Variants in SYNE1 observed in about 807,000 individuals in gnomAD.
SYNE1 encodes spectrin repeat containing nuclear envelope protein 1, also known as nesprin-1.
In SYNE1, 616 loss-of-function variants were observed where a neutral mutation model predicts 1,111.0. That is an observed-to-expected ratio of 0.55 (90% confidence interval 0.52 to 0.59). The LOEUF (loss-of-function observed/expected upper bound fraction) is 0.59, where lower values mean the gene tolerates loss of function less well. SYNE1 is among the 20% of genes least tolerant of loss of function. The probability of loss-of-function intolerance (pLI) is 0.00; values close to 1 mark genes in which losing one functional copy is unlikely to be tolerated. For missense variants in SYNE1, 10,006 were observed against 10,417.0 expected (o/e 0.96, Z 1.72); for synonymous variants, 3,855 against 3,825.8 (o/e 1.01, Z -0.28).
rs953333722 is a variant in SYNE1 at position 152,637,340 on chromosome 6, G to A, written c.-543C>T. 1.3e-5 allele frequency: 2 copies of A among 152,350 alleles called. No homozygotes were observed. Among genetic ancestry groups the A allele is most frequent in the African/African-American group, 4.8e-5 (2 of 41,458 alleles). 9.4% of individuals were successfully genotyped at this position (152,350 alleles called of 1,614,324 possible). A position where few individuals can be genotyped will look rare whatever the true frequency, so the allele number is the denominator to read the frequency against. ...AGAGCCGGGACGCGCTGCCTCCGCT[G>A]CCTGGAGGAGCTGCGCTGTCCTGCC... On this transcript the variant is annotated 5_prime_UTR_variant, in exon 1 of 146. Coordinates refer to ENST00000367255, the MANE Select transcript of SYNE1 (RefSeq NM_182961.4).
chr6:152,594,486 C>T (rs112594130), intron 3 of SYNE1, among the ~76,000 whole-genome samples: 2,959 of 152,184 alleles, frequency 0.019, 99 homozygotes, highest in African/African-American at 0.067. Flanking sequence ...GATTATATTA[C>T]CTTTAGGAGG....
In SYNE1 at chr6:152,540,039, T is replaced by A. The variant is rs2099261932; in HGVS notation, c.68-18A>T. The A allele has an allele frequency of 1.2e-6, 2 of 1,610,988 alleles. No individual in the cohort carries two copies. The highest frequency in any genetic ancestry group is 1.1e-5 in the South Asian group (1 of 91,024). On this transcript the variant is annotated intron_variant, in intron 3 of 145. Coordinates refer to ENST00000367255, the MANE Select transcript of SYNE1 (RefSeq NM_182961.4). ...TTGCTCATCTAGAAGGAAAAAGAAA[T>A]CTGGTTAAATAATGTAATATTTCAT...
At chr6:152,598,992 A>G (rs2099589590) in intron 3 of SYNE1, among the ~76,000 whole-genome samples, 1 of 152,188 alleles carries the variant, frequency 6.6e-6, no homozygotes, top group Admixed American at 6.5e-5. Flanking sequence ...GCCTCTTCTG[A>G]GTCTTATACT....
intron 129 of SYNE1, 85 bp downstream of exon 129, chr6:152,180,051 G>T (rs2067555854): frequency 4.9e-6 from 7 of 1,414,318 alleles, no homozygotes; most frequent in Non-Finnish European, 7.0e-6. Flanking sequence ...GAAAGTAATT[G>T]TGAGTAAAGC....
chr6:152,401,345 A>G lies in SYNE1; in HGVS notation c.6826-4T>C, dbSNP rs780170157. On this transcript the variant is annotated splice_polypyrimidine_tract_variant and splice_region_variant and intron_variant, in intron 46 of 145. Transcript: ENST00000367255. ...GCATTAAGTCTGCTTCTATAAACTA[A>G]ATATCAAGCAAGATTTCATCAATAT... The G allele has an allele frequency of 5.0e-6, 8 of 1,612,586 alleles. No individual in the cohort carries two copies. Among genetic ancestry groups the G allele is most frequent in the Non-Finnish European group, 6.8e-6 (8 of 1,179,664 alleles).
rs1225166659 is a variant in SYNE1 at position 152,596,296 on chromosome 6, C to A, written c.67+31969G>T. Among the ~76,000 whole-genome samples, 22 of 136,392 alleles carry A rather than the reference C, an allele frequency of 1.6e-4. No homozygotes were observed. In the Admixed American group the frequency reaches 1.7e-3, roughly 10 times the overall value. 89.5% of individuals were successfully genotyped at this position (136,392 alleles called of 152,430 possible). On this transcript the variant is annotated intron_variant, in intron 3 of 145. Coordinates refer to ENST00000367255, the MANE Select transcript of SYNE1 (RefSeq NM_182961.4). ...TTTTTTTTTTTTTTTGAGATGACGT[C>A]TCACTGTGTTGCCCAGGCGATCTCA...
chr6:152,431,465 A>G (rs2098427168), intron 34 of SYNE1, among the ~76,000 whole-genome samples: 1 of 152,246 alleles, frequency 6.6e-6, no homozygotes, highest in Admixed American at 6.5e-5. Flanking sequence ...GTTAACCAAC[A>G]TCTGAAAAAT....
chr6:152,132,644 T>A (rs2056078783), intron 143 of SYNE1, among the ~76,000 whole-genome samples: 1 of 152,182 alleles, frequency 6.6e-6, no homozygotes, highest in African/African-American at 2.4e-5. Context: ...ATTAGAGGAC[T>A]TTACTATTTC....
intron 127 of SYNE1, among the ~76,000 whole-genome samples, chr6:152,193,400 C>A (rs1419394237): frequency 6.6e-6 from 1 of 152,178 alleles, no homozygotes; most frequent in Non-Finnish European, 1.5e-5. Flanking sequence ...TCACTGCAAT[C>A]TTTGCCTCCC....
intron 83 of SYNE1, 147 bp downstream of exon 83, chr6:152,321,574 T>G (rs2095869429): frequency 2.4e-6 from 3 of 1,242,038 alleles, no homozygotes; most frequent in African/African-American, 1.5e-5. Flanking sequence ...GAAAATCCCA[T>G]GAAGTAATAC....
At chr6:152,616,042 G>C (rs2099645165) in intron 3 of SYNE1, among the ~76,000 whole-genome samples, 1 of 152,140 alleles carries the variant, frequency 6.6e-6, no homozygotes, top group African/African-American at 2.4e-5. Context: ...TTCTCATCAT[G>C]ATTATTCAGT....
intron 39 of SYNE1, among the ~76,000 whole-genome samples, chr6:152,422,246 A>G (rs1417984042): frequency 6.6e-6 from 1 of 152,194 alleles, no homozygotes; most frequent in African/African-American, 2.4e-5. Flanking sequence ...TCTAGATATT[A>G]AACTTTGTTT....
chr6:152,239,044 C>G (rs1449630176), intron 108 of SYNE1, among the ~76,000 whole-genome samples: 1 of 151,816 alleles, frequency 6.6e-6, no homozygotes, highest in East Asian at 1.9e-4. Flanking sequence ...ATTACAGGCA[C>G]CCACGACGAC....
intron 3 of SYNE1, among the ~76,000 whole-genome samples, chr6:152,552,325 C>A (rs1055759937): frequency 6.6e-6 from 1 of 152,052 alleles, no homozygotes; most frequent in East Asian, 1.9e-4. Flanking sequence ...TACAATTTTA[C>A]ATTTTCACAT....
intron 78 of SYNE1, among the ~76,000 whole-genome samples, chr6:152,327,792 A>G (rs6557213): frequency 0.48 from 72,961 of 152,000 alleles, 18,048 homozygotes; most frequent in Admixed American, 0.58. Context: ...AATGTTTTTC[A>G]AGAATGAAAA....
chr6:152,454,205 A>G (rs111326489), intron 24 of SYNE1, among the ~76,000 whole-genome samples: 1 of 151,986 alleles, frequency 6.6e-6, no homozygotes, highest in Non-Finnish European at 1.5e-5. Context: ...TGCACACAGA[A>G]GCACACATGT....
chr6:152,409,830 C>T, intron 42 of SYNE1, 121 bp from the exon 43 acceptor site: 3 of 1,046,090 alleles, frequency 2.9e-6, no homozygotes, highest in Non-Finnish European at 2.9e-6. Context: ...CGGATTCCTA[C>T]ATACTGTCCT....
At chr6:152,547,485 T>C (rs1016578045) in intron 3 of SYNE1, among the ~76,000 whole-genome samples, 1 of 152,218 alleles carries the variant, frequency 6.6e-6, no homozygotes, top group Non-Finnish European at 1.5e-5. Flanking sequence ...TGCAGAATGC[T>C]GAAAGTGTCA....
At position 152,219,014 on chromosome 6, in the gene SYNE1, T is replaced by C; in HGVS notation, c.22033A>G (p.Thr7345Ala). The change falls in exon 120 of 146, where the codon ACT becomes GCT. Residue 7345 changes from threonine (T) to alanine (A), a missense_variant. By Grantham distance (58) the Thr-to-Ala change is moderately conservative (BLOSUM62 0). This residue lies in a region of SYNE1 where 2,182 missense variants were observed against 2,287.8 expected (regional missense o/e 0.95). Coordinates refer to ENST00000367255, the MANE Select transcript of SYNE1 (RefSeq NM_182961.4). The part of the protein sequence containing the change: ...ALEQALCKQQ[T>A]SLQAGVLDYE... Reference sequence around the variant, plus strand: ...TAGGAGCTCTGTACCTGTAATGAAGTCTGCTGTTTGCAGAGAGCTTGCTCC... The same window carrying C: ...TAGGAGCTCTGTACCTGTAATGAAGCCTGCTGTTTGCAGAGAGCTTGCTCC... 6.2e-7 allele frequency: 1 copy of C among 1,613,984 alleles called. No individual in the cohort carries two copies. The highest frequency in any genetic ancestry group is 1.1e-5 in the South Asian group (1 of 91,080).
Sources: gnomAD v4.1 joint callset for allele counts (sites outside exome capture counted in the v4.1 genomes callset) on GRCh38, gnomAD v4.1.1 for gene constraint, gnomAD v4.1.1 regional missense constraint, MANE v1.5 for transcripts, NCBI Gene and HGNC (gene_info 2026-07-23, HGNC 2026-07-21) for gene names.